Variants in CSMD1 observed in about 807,000 individuals in gnomAD.
CSMD1 encodes the protein CUB and sushi domain-containing protein 1.
A neutral mutation model predicts 417.5 loss-of-function variants in CSMD1; 213 were observed. The observed-to-expected ratio is 0.51, with a 90% CI of 0.46 to 0.57. The LOEUF (loss-of-function observed/expected upper bound fraction) is 0.57, where lower values mean the gene tolerates loss of function less well. Among genes scored for constraint, CSMD1 ranks in the 20% least tolerant of loss-of-function variants. The probability of loss-of-function intolerance (pLI) is 0.00; values close to 1 mark genes in which losing one functional copy is unlikely to be tolerated. For synonymous variants in CSMD1, 2,862 were observed against 1,736.8 expected (o/e 1.65, Z -16.11); for missense variants, 6,923 against 4,529.7 (o/e 1.53, Z -15.17).
chr8:4,037,588 T>A (rs766852306), intron 3 of CSMD1, among the ~76,000 whole-genome samples: 10 of 141,058 alleles, frequency 7.1e-5, no homozygotes, highest in African/African-American at 2.5e-4. Context: ...TGACAGGGAT[T>A]GCAATGGAAA....
intron 1 of CSMD1, among the ~76,000 whole-genome samples, chr8:4,968,122 G>T (rs1585427440): frequency 6.6e-6 from 1 of 152,140 alleles, no homozygotes; most frequent in African/African-American, 2.4e-5. Flanking sequence ...TGAAAGAGAA[G>T]TGATTTTTAT....
intron 23 of CSMD1, among the ~76,000 whole-genome samples, chr8:3,342,090 A>G (rs1467904649): frequency 3.9e-5 from 6 of 152,236 alleles, no homozygotes; most frequent in East Asian, 1.9e-4. Flanking sequence ...GTGCACAAAT[A>G]TTAATTCATA....
At chr8:4,182,613 C>T (rs920909153) in intron 3 of CSMD1, among the ~76,000 whole-genome samples, 2 of 152,062 alleles carry the variant, frequency 1.3e-5, no homozygotes, top group Non-Finnish European at 2.9e-5. Context: ...ATTTTATGGA[C>T]AACAGTGTTT....
At chr8:3,475,688 T>C (rs558006220) in intron 11 of CSMD1, among the ~76,000 whole-genome samples, 1 of 152,354 alleles carries the variant, frequency 6.6e-6, no homozygotes, top group Admixed American at 6.5e-5. Flanking sequence ...TTGATATGTC[T>C]GGTTGCAGTC....
Position 3,916,860 on chromosome 8 carries a change from G to A in CSMD1, c.818+81043C>T, listed in dbSNP as rs117557385. On this transcript the variant is annotated intron_variant, in intron 5 of 69. Coordinates refer to ENST00000635120, the MANE Select transcript of CSMD1 (RefSeq NM_033225.6). Reference sequence around the variant, plus strand: ...CTGCAGGTTAGAGAGATAAGGACTTGCACCAAATAAAAGTCCCTAGCTGGT... The same window carrying A: ...CTGCAGGTTAGAGAGATAAGGACTTACACCAAATAAAAGTCCCTAGCTGGT... 7.0e-4 allele frequency among the ~76,000 whole-genome samples: 106 copies of A among 152,014 alleles called. No homozygotes were observed. The East Asian group carries it at 0.015, about 21-fold the overall frequency.
intron 50 of CSMD1, among the ~76,000 whole-genome samples, chr8:3,047,543 C>G (rs1477384869): frequency 6.6e-6 from 1 of 152,162 alleles, no homozygotes; most frequent in South Asian, 2.1e-4. Context: ...CCAATAATGT[C>G]TCTGCCTCGC....
At chr8:3,246,988 A>C (rs1369183010) in intron 26 of CSMD1, among the ~76,000 whole-genome samples, 2 of 152,202 alleles carry the variant, frequency 1.3e-5, no homozygotes, top group African/African-American at 4.8e-5. Flanking sequence ...ATGTTAAGGC[A>C]AGAGTTATTA....
chr8:4,701,259 C>T (rs746894209), intron 1 of CSMD1, among the ~76,000 whole-genome samples: 8 of 151,818 alleles, frequency 5.3e-5, no homozygotes, highest in Non-Finnish European at 1.0e-4. Context: ...TTCCACCTGG[C>T]AAATACCAAT....
intron 2 of CSMD1, among the ~76,000 whole-genome samples, chr8:4,513,501 C>T (rs1802940272): frequency 6.6e-6 from 1 of 152,134 alleles, no homozygotes; most frequent in Admixed American, 6.5e-5. Context: ...CGGACTGTAA[C>T]ATTTACTCTT....
chr8:3,466,392 T>C (rs1405212158), intron 12 of CSMD1, among the ~76,000 whole-genome samples: 1 of 151,438 alleles, frequency 6.6e-6, no homozygotes, highest in African/African-American at 2.4e-5. Context: ...GAATATATGC[T>C]GTATATATTT....
intron 3 of CSMD1, among the ~76,000 whole-genome samples, chr8:4,090,668 A>T (rs527661455): frequency 5.9e-5 from 9 of 152,348 alleles, no homozygotes; most frequent in African/African-American, 2.2e-4. Context: ...GAAAGAAAGC[A>T]CATCAATTTC....
chr8:4,437,204 T>G (rs960467090), intron 2 of CSMD1, among the ~76,000 whole-genome samples: 1 of 152,152 alleles, frequency 6.6e-6, no homozygotes, highest in African/African-American at 2.4e-5. Context: ...ACAAATCAAA[T>G]CAATGACTGA....
At chr8:3,689,225 C>T (rs1292645682) in intron 7 of CSMD1, among the ~76,000 whole-genome samples, 1 of 152,178 alleles carries the variant, frequency 6.6e-6, no homozygotes, top group Non-Finnish European at 1.5e-5. Context: ...TCCCCACCTT[C>T]TAACTTATCC....
intron 3 of CSMD1, among the ~76,000 whole-genome samples, chr8:4,130,791 T>G (rs1048191326): frequency 1.3e-5 from 2 of 151,904 alleles, no homozygotes; most frequent in African/African-American, 4.8e-5. Context: ...AATCTGTCAA[T>G]GCTTACAAAT....
intron 2 of CSMD1, among the ~76,000 whole-genome samples, chr8:4,437,440 A>C (rs942818901): frequency 2.6e-5 from 4 of 152,216 alleles, no homozygotes; most frequent in African/African-American, 9.6e-5. Flanking sequence ...TTATCCGTAA[A>C]ATCAGAAACA....
intron 2 of CSMD1, among the ~76,000 whole-genome samples, chr8:4,519,622 C>T (rs1230849385): frequency 6.6e-6 from 1 of 150,986 alleles, no homozygotes; most frequent in Non-Finnish European, 1.5e-5. Flanking sequence ...TACCTATAAT[C>T]CCAGCTACTC....
chr8:3,709,785 G>A (rs750511750), intron 6 of CSMD1, among the ~76,000 whole-genome samples: 1 of 142,944 alleles, frequency 7.0e-6, no homozygotes, highest in Non-Finnish European at 1.5e-5. Context: ...ACCCCTTTCA[G>A]GTCTTCGGTC....
chr8:3,469,864 G>C (rs1459716672), intron 11 of CSMD1, among the ~76,000 whole-genome samples: 1 of 152,148 alleles, frequency 6.6e-6, no homozygotes, highest in Non-Finnish European at 1.5e-5. Flanking sequence ...AATGCTGTGT[G>C]GTTAACTAAA....
rs1243039034 is a variant in CSMD1, at chr8:4,795,236, T to TCTG, written c.86-157681_86-157679dup. 3.5e-5 allele frequency among the ~76,000 whole-genome samples: 5 copies of TCTG among 144,760 alleles called. No homozygotes were observed. The Admixed American group carries it at 3.5e-4, about 10-fold the overall frequency. The allele number at this position is 144,760 out of a possible 152,430, so 95.0% of individuals were successfully genotyped here. On this transcript the variant is annotated intron_variant, in intron 1 of 69. Coordinates refer to ENST00000635120, the MANE Select transcript of CSMD1 (RefSeq NM_033225.6). ...GGTGCAATCAGAACACATTTCTAGG[T>TCTG]CTGCTGGTGTCATAGCTTTTTTTTT...
Sources: gnomAD v4.1 joint callset for allele counts (sites outside exome capture counted in the v4.1 genomes callset) on GRCh38, gnomAD v4.1.1 for gene constraint, MANE v1.5 for transcripts, NCBI Gene and HGNC (gene_info 2026-07-23, HGNC 2026-07-21) for gene names.